The following MEI1 variants were observed in gnomAD, a reference collection of about 807,000 sequenced individuals.
MEI1 encodes meiosis inhibitor protein 1.
In MEI1, 103 loss-of-function variants were observed where a neutral mutation model predicts 146.2. The ratio of observed to expected loss-of-function variants is 0.70; its 90% CI spans 0.60 to 0.83. The LOEUF (loss-of-function observed/expected upper bound fraction) is 0.83, where lower values mean the gene tolerates loss of function less well. MEI1 is among the 40% of genes least tolerant of loss of function. The probability of loss-of-function intolerance (pLI) is 0.00; values close to 1 mark genes in which losing one functional copy is unlikely to be tolerated. For missense variants in MEI1, 1,529 were observed against 1,533.0 expected (o/e 1.00, Z 0.04); for synonymous variants, 652 against 628.2 (o/e 1.04, Z -0.57).
At position 41,703,432 on chromosome 22, in the gene MEI1, C is replaced by T; in HGVS notation, c.276C>T (p.Ile92=). Residue 92 remains isoleucine, a synonymous_variant, in exon 2 of 31, where the codon ATC becomes ATT. Transcript: ENST00000401548. ...TGTCTCAGGATCAGAGAGTCTGCAT[C>T]CACTTCATAAGTGTGCTTTTTGGTA... ...QLVSQDQRVC[I]HFISVLFGLL... The T allele has an allele frequency of 6.2e-7, 1 of 1,602,918 alleles. No homozygotes were observed. The highest frequency in any genetic ancestry group is 8.5e-7 in the Non-Finnish European group (1 of 1,174,548).
chr22:41,760,591 G>A (rs918259783), intron 18 of MEI1, among the ~76,000 whole-genome samples: 12 of 152,272 alleles, frequency 7.9e-5, no homozygotes, highest in Admixed American at 3.9e-4. Flanking sequence ...CTCAGACACC[G>A]AATTGTAGAA....
intron 7 of MEI1, 86 bp downstream of exon 7, chr22:41,724,159 T>A: frequency 6.7e-7 from 1 of 1,492,266 alleles, no homozygotes; most frequent in East Asian, 2.3e-5. Context: ...CTACCACTCC[T>A]ATCTCAGATT....
intron 19 of MEI1, 88 bp from the exon 20 acceptor site, chr22:41,770,598 C>T: frequency 1.6e-6 from 2 of 1,280,356 alleles, no homozygotes; most frequent in East Asian, 2.4e-5. Flanking sequence ...GATGACAGTA[C>T]ATTTTTCCTA....
intron 7 of MEI1, among the ~76,000 whole-genome samples, chr22:41,726,363 T>C (rs116375848): frequency 0.053 from 8,125 of 152,254 alleles, 681 homozygotes; most frequent in African/African-American, 0.18. Context: ...TTAGTGTAGT[T>C]TTAAGCTTAA....
chr22:41,748,979 A>G (rs1218589210), intron 15 of MEI1, among the ~76,000 whole-genome samples: 5 of 150,716 alleles, frequency 3.3e-5, no homozygotes, highest in African/African-American at 1.2e-4. Flanking sequence ...ATTTTTTTGT[A>G]TTTTTTAGTA....
intron 2 of MEI1, among the ~76,000 whole-genome samples, chr22:41,703,847 G>A (rs2068888077): frequency 6.6e-6 from 1 of 152,154 alleles, no homozygotes; most frequent in Non-Finnish European, 1.5e-5. Context: ...TTAGCTCAGT[G>A]TGGTGGCGCG....
At chr22:41,729,812 T>C in intron 8 of MEI1, 33 bp downstream of exon 8, 1 of 1,418,224 alleles carries the variant, frequency 7.1e-7, no homozygotes, top group Non-Finnish European at 9.7e-7. Flanking sequence ...CTCCTCCCTA[T>C]ACTAGAAGGA....
chr22:41,775,183 A>G (rs961950686), intron 20 of MEI1, among the ~76,000 whole-genome samples: 1 of 152,176 alleles, frequency 6.6e-6, no homozygotes, highest in Non-Finnish European at 1.5e-5. Flanking sequence ...TAACTCTGAA[A>G]GCAAAATAAA....
chr22:41,746,944 A>T (rs1159578971), intron 14 of MEI1, among the ~76,000 whole-genome samples: 1 of 152,112 alleles, frequency 6.6e-6, no homozygotes, highest in Non-Finnish European at 1.5e-5. Flanking sequence ...AGATTTTTGA[A>T]GTGTTAGAGC....
intron 12 of MEI1, among the ~76,000 whole-genome samples, chr22:41,743,584 CTGACCAATGTGCCATGTG>C (rs1222474440): frequency 6.6e-6 from 1 of 152,192 alleles, no homozygotes; most frequent in Non-Finnish European, 1.5e-5. Context: ...ATCTTAGAAT[CTGACCAATGTGCCATGTG>C]TTGTAGCTGC....
chr22:41,796,603 A>C (rs2076367882), intron 30 of MEI1, among the ~76,000 whole-genome samples: 1 of 152,196 alleles, frequency 6.6e-6, no homozygotes, highest in Non-Finnish European at 1.5e-5. Context: ...CCAAAATCTG[A>C]AACTTTTTGA....
chr22:41,751,061 C>T (rs944543386), intron 15 of MEI1, among the ~76,000 whole-genome samples: 1 of 151,994 alleles, frequency 6.6e-6, no homozygotes, highest in Non-Finnish European at 1.5e-5. Context: ...AGCACAGGAT[C>T]AGAGGCTCAA....
chr22:41,717,965 T>G lies in MEI1; in HGVS notation c.530-106T>G, dbSNP rs1019670269. The G allele has an allele frequency of 4.2e-6, 4 of 946,306 alleles. No homozygotes were observed. In the African/African-American group the frequency reaches 5.0e-5, roughly 12 times the overall value. The allele number at this position is 946,306 out of a possible 1,614,324, so 58.6% of individuals were successfully genotyped here. ...GCAGAAAGCATTTTTTGTGGGGGAT[T>G]ATAGGGACTTACCATTACTACCCCG... On this transcript the variant is annotated intron_variant, in intron 5 of 30. Coordinates refer to ENST00000401548, the MANE Select transcript of MEI1 (RefSeq NM_152513.4).
rs2069778939 is a variant in MEI1, at chr22:41,713,325, A to C, written c.350-677A>C. ...CTACAAAAAAATTAAAAAATTAGCCAGGCATAGTGGCATGTACCTGTAGTC... is the reference window on the plus strand; with the variant it reads ...CTACAAAAAAATTAAAAAATTAGCCCGGCATAGTGGCATGTACCTGTAGTC... On this transcript the variant is annotated intron_variant, in intron 3 of 30. Coordinates refer to ENST00000401548, the MANE Select transcript of MEI1 (RefSeq NM_152513.4). Among the ~76,000 whole-genome samples the C allele has an allele frequency of 2.0e-5, 3 of 152,252 alleles. No individual in the cohort carries two copies. The South Asian group carries it at 6.2e-4, about 32-fold the overall frequency.
intron 30 of MEI1, among the ~76,000 whole-genome samples, chr22:41,796,636 G>A (rs765486741): frequency 5.3e-5 from 8 of 152,184 alleles, no homozygotes; most frequent in Non-Finnish European, 7.3e-5. Context: ...TGCTACAGGT[G>A]GAAAATTCCA....
intron 26 of MEI1, among the ~76,000 whole-genome samples, chr22:41,785,128 G>A (rs996248385): frequency 9.3e-5 from 14 of 150,944 alleles, no homozygotes; most frequent in African/African-American, 2.2e-4. Context: ...GTAGAGACGG[G>A]GTTTCACCAT....
rs924320122 is a variant in MEI1 at position 41,799,321 on chromosome 22, G to C, written c.*22G>C. The stretch of plus-strand genomic sequence containing the variant: ...CTGATCCTCAGGACTTGAAGGCCCA[G>C]AAGTGGAGAGAGAATGAGACCTGGA... On this transcript the variant is annotated 3_prime_UTR_variant, in exon 31 of 31. Coordinates refer to ENST00000401548, the MANE Select transcript of MEI1 (RefSeq NM_152513.4). 3.7e-6 allele frequency: 6 copies of C among 1,612,186 alleles called. No individual in the cohort carries two copies. The Admixed American group carries it at 5.0e-5, about 13-fold the overall frequency.
At chr22:41,762,554 T>G (rs1462268616) in intron 18 of MEI1, among the ~76,000 whole-genome samples, 1 of 149,986 alleles carries the variant, frequency 6.7e-6, no homozygotes, top group African/African-American at 2.5e-5. Flanking sequence ...TAACTGATTT[T>G]TTTTTTTTTT....
At chr22:41,771,411 G>A (rs1175556177) in intron 20 of MEI1, among the ~76,000 whole-genome samples, 1 of 152,112 alleles carries the variant, frequency 6.6e-6, no homozygotes, top group Non-Finnish European at 1.5e-5. Flanking sequence ...TACTTGCTCA[G>A]GCATACCTAG....
Sources: gnomAD v4.1 joint callset for allele counts (sites outside exome capture counted in the v4.1 genomes callset) on GRCh38, gnomAD v4.1.1 for gene constraint, MANE v1.5 for transcripts, NCBI Gene and HGNC (gene_info 2026-07-23, HGNC 2026-07-21) for gene names.